The following RIMS2 variants were observed in gnomAD, a reference collection of about 807,000 sequenced individuals.
RIMS2 encodes the protein regulating synaptic membrane exocytosis 2.
A neutral mutation model predicts 174.4 loss-of-function variants in RIMS2; 59 were observed. The ratio of observed to expected loss-of-function variants is 0.34; its 90% CI spans 0.27 to 0.42. The LOEUF (loss-of-function observed/expected upper bound fraction) is 0.42, where lower values mean the gene tolerates loss of function less well. Among genes scored for constraint, RIMS2 ranks in the 10% least tolerant of loss-of-function variants. The pLI, the probability that RIMS2 is intolerant of heterozygous loss-of-function variation, is 1.00. For missense variants in RIMS2, 1,620 were observed against 1,666.3 expected (o/e 0.97, Z 0.48); for synonymous variants, 606 against 572.5 (o/e 1.06, Z -0.84).
At chr8:104,015,495 C>CT in intron 19 of RIMS2, 3 of 646,732 alleles carry the variant, frequency 4.6e-6, no homozygotes, top group South Asian at 3.5e-5. Context: ...TGCTAACAGC[C>CT]TTTTTGGGGG....
chr8:104,114,828 TC>T (rs1172303866), intron 19 of RIMS2, among the ~76,000 whole-genome samples: 7 of 152,036 alleles, frequency 4.6e-5, no homozygotes, highest in African/African-American at 1.7e-4. Context: ...TTTAAGTTTT[TC>T]ATCTACATTA....
In RIMS2 at chr8:103,892,899, T is replaced by C. The variant is rs1169145462; in HGVS notation, c.1624+6676T>C. Among the ~76,000 whole-genome samples the C allele has an allele frequency of 2.0e-5, 3 of 152,022 alleles. No individual in the cohort carries two copies. In the East Asian group the frequency reaches 5.8e-4, roughly 29 times the overall value. On this transcript the variant is annotated intron_variant, in intron 4 of 23. Coordinates refer to ENST00000504942, the Ensembl canonical transcript of RIMS2. ...TTAATATTTAGTAAAGCTTTAAACA[T>C]TTGATGATTAAATTTGTTCAATGGA... is the stretch of plus-strand genomic sequence containing the variant.
chr8:104,041,729 C>A (rs1249659549), intron 19 of RIMS2, among the ~76,000 whole-genome samples: 1 of 151,384 alleles, frequency 6.6e-6, no homozygotes, highest in Non-Finnish European at 1.5e-5. Context: ...TAAAATAATT[C>A]CAAAAGTATT....
intron 19 of RIMS2, 29 bp from the exon 24 acceptor site, chr8:104,093,439 ACTT>A: frequency 6.7e-7 from 1 of 1,496,082 alleles, no homozygotes; most frequent in Non-Finnish European, 9.0e-7. Context: ...AATACTGACA[ACTT>A]CTGCGTATTT....
chr8:104,230,316 C>G (rs909931213), intron 19 of RIMS2, among the ~76,000 whole-genome samples: 20 of 149,848 alleles, frequency 1.3e-4, no homozygotes, highest in African/African-American at 4.9e-4. Context: ...TTAAATGAGA[C>G]TAAAAGGAAA....
intron 1 of RIMS2, among the ~76,000 whole-genome samples, chr8:103,513,639 T>G (rs1827631209): frequency 6.6e-6 from 1 of 152,152 alleles, no homozygotes; most frequent in Non-Finnish European, 1.5e-5. Context: ...TTTTCAGAGC[T>G]TTTTGGATTT....
At chr8:103,952,848 G>A (rs1200053064) in intron 14 of RIMS2, among the ~76,000 whole-genome samples, 1 of 152,050 alleles carries the variant, frequency 6.6e-6, no homozygotes, top group African/African-American at 2.4e-5. Flanking sequence ...CCCACTGCAA[G>A]GAAGCTAAGA....
chr8:103,915,370 C>A (rs780792588), intron 6 of RIMS2, 125 bp from the exon 10 acceptor site: 7 of 490,746 alleles, frequency 1.4e-5, no homozygotes, highest in East Asian at 9.3e-5. Context: ...TTTAAGAAAT[C>A]ATTTTCTGTA....
intron 19 of RIMS2, among the ~76,000 whole-genome samples, chr8:104,193,553 A>G (rs527571454): frequency 6.6e-6 from 1 of 152,208 alleles, no homozygotes; most frequent in African/African-American, 2.4e-5. Context: ...GCCTGCTCTC[A>G]TCTACCTTCC....
chr8:103,512,457 A>T (rs530077793), intron 1 of RIMS2, among the ~76,000 whole-genome samples: 1 of 152,230 alleles, frequency 6.6e-6, no homozygotes, highest in South Asian at 2.1e-4. Flanking sequence ...ACTCCATGTC[A>T]TCCTCATCCT....
At chr8:103,747,680 G>A (rs1370136778) in intron 2 of RIMS2, among the ~76,000 whole-genome samples, 2 of 152,084 alleles carry the variant, frequency 1.3e-5, no homozygotes, top group Non-Finnish European at 2.9e-5. Context: ...TGGAATATAT[G>A]TAGAATATGA....
intron 2 of RIMS2, among the ~76,000 whole-genome samples, chr8:103,750,601 G>C (rs2097876055): frequency 6.6e-6 from 1 of 152,088 alleles, no homozygotes. Flanking sequence ...TCAAGTGTGG[G>C]ACCAAGTAGA....
At chr8:104,205,825 G>A (rs933144376) in intron 19 of RIMS2, among the ~76,000 whole-genome samples, 1 of 150,796 alleles carries the variant, frequency 6.6e-6, no homozygotes, top group Non-Finnish European at 1.5e-5. Context: ...ACATGATCTC[G>A]GCTCATTGCA....
intron 19 of RIMS2, among the ~76,000 whole-genome samples, chr8:104,192,056 T>C (rs2099000704): frequency 6.6e-6 from 1 of 152,190 alleles, no homozygotes. Flanking sequence ...AAATGTATGG[T>C]TTTACTATAA....
intron 1 of RIMS2, among the ~76,000 whole-genome samples, chr8:103,643,198 G>C (rs193199368): frequency 6.6e-5 from 10 of 151,946 alleles, no homozygotes; most frequent in Non-Finnish European, 1.2e-4. Flanking sequence ...CTGTTGATGA[G>C]TCTGTCAAAG....
At chr8:103,524,311 G>A (rs1409787464) in intron 1 of RIMS2, among the ~76,000 whole-genome samples, 1 of 151,718 alleles carries the variant, frequency 6.6e-6, no homozygotes, top group Admixed American at 6.6e-5. Context: ...AAAATGACAG[G>A]GTTTCTCTTT....
At chr8:104,055,635 G>A (rs62528382) in intron 19 of RIMS2, among the ~76,000 whole-genome samples, 3,410 of 152,128 alleles carry the variant, frequency 0.022, 59 homozygotes, top group Middle Eastern at 0.051. Context: ...CAAAGATACA[G>A]GAATTGTGAC....
chr8:103,539,437 T>C (rs1044431034), intron 1 of RIMS2, among the ~76,000 whole-genome samples: 2 of 152,036 alleles, frequency 1.3e-5, no homozygotes, highest in East Asian at 3.9e-4. Context: ...CAATAAAGTA[T>C]ACTGAAGCAA....
At chr8:104,055,835 C>T (rs534132002) in intron 19 of RIMS2, among the ~76,000 whole-genome samples, 1 of 152,238 alleles carries the variant, frequency 6.6e-6, no homozygotes, top group South Asian at 2.1e-4. Context: ...TCAATATAGT[C>T]AGTGTCTCGT....
Sources: allele counts gnomAD v4.1 joint callset (sites outside exome capture counted in the v4.1 genomes callset), GRCh38; gene constraint gnomAD v4.1.1; transcripts MANE v1.5; gene names NCBI Gene and HGNC (gene_info 2026-07-23, HGNC 2026-07-21).